The following C12orf42 variants were observed in gnomAD, a reference collection of about 807,000 sequenced individuals.
C12orf42 encodes the protein chromosome 12 open reading frame 42, also known as uncharacterized protein C12orf42.
In C12orf42, 25 loss-of-function variants were observed where a neutral mutation model predicts 21.6. That is an observed-to-expected ratio of 1.16 (90% CI 0.84 to 1.62). The LOEUF is 1.62. Ranked by LOEUF, C12orf42 falls within the 40% of genes most tolerant of loss-of-function variation. The probability of loss-of-function intolerance (pLI) is 0.00; values close to 1 mark genes in which losing one functional copy is unlikely to be tolerated. For synonymous variants in C12orf42, 174 were observed against 175.0 expected, an observed-to-expected ratio of 0.99 and a Z score of 0.05; for missense variants, 483 against 459.3, an observed-to-expected ratio of 1.05 and a Z score of -0.47.
At chr12:103,367,725 A>T (rs2044742607) in intron 4 of C12orf42, among the ~76,000 whole-genome samples, 1 of 151,888 alleles carries the variant, frequency 6.6e-6, no homozygotes, top group Non-Finnish European at 1.5e-5. Flanking sequence ...TCTACTATGT[A>T]CCTCTTTATA....
At chr12:103,094,434 T>A in the C12orf42 span, among the ~76,000 whole-genome samples, 1 of 152,326 alleles carries the variant, frequency 6.6e-6, no homozygotes, top group Non-Finnish European at 1.5e-5. Context: ...TATTCTTCCC[T>A]ATTATCTCAA....
chr12:103,499,861 G>A (rs1955676055), upstream of C12orf42, among the ~76,000 whole-genome samples: 1 of 152,188 alleles, frequency 6.6e-6, no homozygotes, highest in Non-Finnish European at 1.5e-5. Flanking sequence ...AAGGAAAGGA[G>A]AAGTCAGGAA....
chr12:103,201,668 T>A, the C12orf42 span, among the ~76,000 whole-genome samples: 2 of 152,188 alleles, frequency 1.3e-5, no homozygotes, highest in East Asian at 3.9e-4. Flanking sequence ...TTGCTCTCAA[T>A]TGGCCGTTGT....
At chr12:103,165,992 A>C in the C12orf42 span, among the ~76,000 whole-genome samples, 1 of 151,904 alleles carries the variant, frequency 6.6e-6, no homozygotes, top group African/African-American at 2.4e-5. Context: ...GTGAGCCGAG[A>C]TCGCGCCACT....
intron 4 of C12orf42, among the ~76,000 whole-genome samples, chr12:103,324,020 T>A (rs758363121): frequency 2.0e-5 from 3 of 152,212 alleles, no homozygotes; most frequent in Non-Finnish European, 4.4e-5. Flanking sequence ...TTTTCCCACA[T>A]CCTCTTTAAC....
At chr12:103,244,206 G>T (rs541957561) in intron 10 of C12orf42, among the ~76,000 whole-genome samples, 3 of 151,986 alleles carry the variant, frequency 2.0e-5, no homozygotes, top group Non-Finnish European at 2.9e-5. Context: ...TAACATGCAC[G>T]GATCCTAATC....
At chr12:103,078,471 C>G in the C12orf42 span, among the ~76,000 whole-genome samples, 1,815 of 152,246 alleles carry the variant, frequency 0.012, 42 homozygotes, top group African/African-American at 0.041. Context: ...ATTCTATAAA[C>G]CCTAGAGCTA....
intron 1 of C12orf42, among the ~76,000 whole-genome samples, chr12:103,492,675 G>C (rs1308769340): frequency 6.6e-6 from 1 of 152,066 alleles, no homozygotes; most frequent in Non-Finnish European, 1.5e-5. Flanking sequence ...TACCAGCCCA[G>C]CTCATCCCTT....
intron 2 of C12orf42, among the ~76,000 whole-genome samples, chr12:103,450,609 C>A (rs948354831): frequency 3.3e-5 from 5 of 152,070 alleles, no homozygotes; most frequent in Non-Finnish European, 7.4e-5. Context: ...GCAATTGTTG[C>A]CAGGTCAACC....
chr12:103,313,160 T>C (rs1160860678), intron 4 of C12orf42, among the ~76,000 whole-genome samples: 1 of 152,236 alleles, frequency 6.6e-6, no homozygotes, highest in Admixed American at 6.5e-5. Flanking sequence ...AAGCTCATTT[T>C]GCCTTTCTCT....
chr12:103,294,444 A>AAGAAAGAAAGAGAGAAGGAGAGAG (rs1176508893), intron 4 of C12orf42, among the ~76,000 whole-genome samples: 4 of 127,154 alleles, frequency 3.1e-5, no homozygotes, highest in South Asian at 2.6e-4. Context: ...GAAAGAAAGA[A>AAGAAAGAAAGAGAGAAGGAGAGAG]AGAAAGAAAG....
chr12:103,196,239 T>G, the C12orf42 span, among the ~76,000 whole-genome samples: 1 of 152,142 alleles, frequency 6.6e-6, no homozygotes, highest in African/African-American at 2.4e-5. Context: ...AATTGTACTG[T>G]TTTGGGAGAT....
chr12:103,195,692 G>A, the C12orf42 span, among the ~76,000 whole-genome samples: 1 of 152,094 alleles, frequency 6.6e-6, no homozygotes, highest in Non-Finnish European at 1.5e-5. Context: ...ATCAGATTCT[G>A]TCAGATGTAT....
the C12orf42 span, among the ~76,000 whole-genome samples, chr12:103,201,692 C>T: frequency 6.6e-6 from 1 of 152,110 alleles, no homozygotes; most frequent in Non-Finnish European, 1.5e-5. Flanking sequence ...CTTCTGATGG[C>T]CAGCCACTAT....
At position 103,302,182 on chromosome 12, in the gene C12orf42, G is replaced by C. The variant is rs185386009; in HGVS notation, c.1009C>G (p.Arg337Gly). 28 of 1,609,494 alleles carry C rather than the reference G, an allele frequency of 1.7e-5. No homozygotes were observed. In the South Asian group the frequency reaches 2.9e-4, roughly 17 times the overall value. ...LIKVCSSAPP[R>G]PTRRFHTVCS... ...ACCGTATGGAAACGCCGGGTTGGGC[G>C]GGGGGGTGCTGAGGAGCAAACCTTT... Residue 337 changes from arginine (R) to glycine (G), a missense_variant, in exon 6 of 6, where the codon CGC becomes GGC. By Grantham distance (125) the Arg-to-Gly change is moderately radical. Coordinates refer to ENST00000548883, the MANE Select transcript of C12orf42 (RefSeq NM_198521.5).
At chr12:103,534,026 T>C in the C12orf42 span, among the ~76,000 whole-genome samples, 2 of 152,236 alleles carry the variant, frequency 1.3e-5, no homozygotes, top group African/African-American at 4.8e-5. Flanking sequence ...ATTAAGTGCT[T>C]AGCCCCATGC....
At chr12:103,074,931 T>TAA in the C12orf42 span, among the ~76,000 whole-genome samples, 1,636 of 151,698 alleles carry the variant, frequency 0.011, 12 homozygotes, top group South Asian at 0.019. Context: ...ACAAAAATAA[T>TAA]AAAAAAAATT....
At chr12:103,358,210 C>T (rs2043757215) in intron 4 of C12orf42, among the ~76,000 whole-genome samples, 1 of 152,084 alleles carries the variant, frequency 6.6e-6, no homozygotes, top group Non-Finnish European at 1.5e-5. Flanking sequence ...CAGAACAAGT[C>T]ATGTGGTCAA....
downstream of C12orf42, among the ~76,000 whole-genome samples, chr12:103,236,757 C>T (rs2136153867): frequency 6.6e-6 from 1 of 152,234 alleles, no homozygotes; most frequent in South Asian, 2.1e-4. Context: ...AATGAACCTG[C>T]TTTTTTGTGT....
Sources: allele counts gnomAD v4.1 joint callset (sites outside exome capture counted in the v4.1 genomes callset), GRCh38; gene constraint gnomAD v4.1.1; transcripts MANE v1.5; gene names NCBI Gene and HGNC (gene_info 2026-07-23, HGNC 2026-07-21).